FBXL18: variants seen among roughly 807,000 people sequenced by gnomAD.
FBXL18 encodes F-box/LRR-repeat protein 18.
FBXL18 carries 36 observed loss-of-function variants against 46.0 expected under a neutral mutation model. That is an observed-to-expected ratio of 0.78 (90% CI 0.60 to 1.03). The LOEUF (loss-of-function observed/expected upper bound fraction) is 1.03. Among genes scored for constraint, FBXL18 ranks in the 50% least tolerant of loss-of-function variants. FBXL18 has a pLI of 0.00. For missense variants in FBXL18, 977 were observed against 1,004.1 expected, an observed-to-expected ratio of 0.97 and a Z score of 0.36; for synonymous variants, 557 against 465.3, an observed-to-expected ratio of 1.20 and a Z score of -2.54.
Position 5,481,743 on chromosome 7 carries a change from T to C in FBXL18, c.*32A>G, listed in dbSNP as rs1584201472. 5 of 1,610,530 alleles carry C rather than the reference T, an allele frequency of 3.1e-6. No individual in the cohort carries two copies. The highest frequency in any genetic ancestry group is 4.2e-6 in the Non-Finnish European group (5 of 1,178,716). ...CCCAGGCTCCTGCAGCTTCTCGAGG[T>C]GACTGAGACCGATGGGCGGCGGCTC... On this transcript the variant is annotated 3_prime_UTR_variant, in exon 5 of 5. Transcript: ENST00000382368.
At position 5,470,082 on chromosome 7, in the gene FBXL18, G is replaced by A. The variant is rs115642350; in HGVS notation, c.2000+21149C>T. Among the ~76,000 whole-genome samples, 447 of 152,248 alleles carry A rather than the reference G, an allele frequency of 2.9e-3. 1 individual carries two copies. The highest frequency in any genetic ancestry group is 0.017 in the Middle Eastern group (5 of 294). Reference sequence around the variant, plus strand: ...CGTGTGCGTGTGCCAGTCTGCGGGCGTGGGTGAGGGACTGATGGAGCGTGT... The same window carrying A: ...CGTGTGCGTGTGCCAGTCTGCGGGCATGGGTGAGGGACTGATGGAGCGTGT... On this transcript the variant is annotated intron_variant and NMD_transcript_variant, in intron 4 of 6. Transcript: ENST00000415009.
downstream of FBXL18, among the ~76,000 whole-genome samples, chr7:5,471,368 C>A (rs1013188766): frequency 6.6e-6 from 1 of 152,188 alleles, no homozygotes; most frequent in Admixed American, 6.5e-5. Context: ...CCTCCGCCTC[C>A]CGGGTTCACG....
rs114819221 is a variant in FBXL18, at chr7:5,469,846, G to A, written c.2000+21385C>T. 6.4e-3 allele frequency among the ~76,000 whole-genome samples: 968 copies of A among 151,642 alleles called. 11 individuals carry two copies. Among genetic ancestry groups the A allele is most frequent in the African/African-American group, 0.022 (914 of 41,310 alleles). On this transcript the variant is annotated intron_variant and NMD_transcript_variant, in intron 4 of 6. Transcript: ENST00000415009. ...TGTGTGTGTGATATGGGTGTGACACGGGAGAGGGTTTATGAGCCTGAGTGT... is the reference window on the plus strand; with the variant it reads ...TGTGTGTGTGATATGGGTGTGACACAGGAGAGGGTTTATGAGCCTGAGTGT...
rs145119070 is a variant in FBXL18, at chr7:5,505,496, G to A, written c.153C>T (p.Asn51=). ...SHVPSTDLIL[N]VRRTCRKLAA... is the part of the protein sequence containing the mutation. ...CAAGCTTCCGACAGGTACGCCGGAC[G>A]TTCAGAATCAGATCTGTGCTGGGGA... is the stretch of plus-strand genomic sequence containing the variant. Residue 51 remains asparagine, a synonymous_variant, in exon 2 of 5, where the codon AAC becomes AAT. Transcript: ENST00000382368. 47 of 1,614,164 alleles carry A rather than the reference G, an allele frequency of 2.9e-5. No individual in the cohort carries two copies. The highest frequency in any genetic ancestry group is 2.3e-4 in the South Asian group (21 of 91,082).
intron 1 of FBXL18, among the ~76,000 whole-genome samples, chr7:5,512,256 A>G (rs1216113937): frequency 1.3e-5 from 2 of 149,902 alleles, no homozygotes; most frequent in Non-Finnish European, 3.0e-5. Flanking sequence ...AAAAAAAAAA[A>G]GAAAAAGAAA....
chr7:5,484,264 A>G (rs944823770), intron 4 of FBXL18, among the ~76,000 whole-genome samples: 50 of 152,196 alleles, frequency 3.3e-4, no homozygotes, highest in South Asian at 2.1e-3. Flanking sequence ...TCAGGAGATC[A>G]AGACCATCCT....
At position 5,505,539 on chromosome 7, in the gene FBXL18, A is replaced by C; in HGVS notation, c.110T>G (p.Leu37Arg). The change falls in exon 2 of 5, where the codon CTT (leucine) becomes CGT (arginine). Residue 37 changes from leucine to arginine, a missense_variant. Coordinates refer to ENST00000382368, the MANE Select transcript of FBXL18 (RefSeq NM_024963.6). Reference sequence around the variant, plus strand: ...GCTGGGGACGTGACTCAGGATGTGAAGGAGGATCTCATCAGAGAACCCTAG... The same window carrying C: ...GCTGGGGACGTGACTCAGGATGTGACGGAGGATCTCATCAGAGAACCCTAG... Reference protein sequence around the residue: ...HLLGFSDEILLHILSHVPSTD... With the variant: ...HLLGFSDEILRHILSHVPSTD... The C allele has an allele frequency of 6.2e-7, 1 of 1,614,154 alleles. No individual in the cohort carries two copies. The highest frequency in any genetic ancestry group is 1.3e-5 in the African/African-American group (1 of 75,052).
At chr7:5,509,416 A>G (rs1251467243) in intron 1 of FBXL18, among the ~76,000 whole-genome samples, 1 of 152,060 alleles carries the variant, frequency 6.6e-6, no homozygotes, top group Non-Finnish European at 1.5e-5. Context: ...AATTTTGGAC[A>G]GGCGCGGTGG....
In FBXL18 at chr7:5,500,601, C is replaced by G. The variant is rs769116200; in HGVS notation, c.1668G>C (p.Gln556His). The part of the protein sequence containing the change: ...TGSGLVNIGL[Q>H]CQQLRSLSLA... Reference sequence around the variant, plus strand: ...GCGACAGGGACCGCAACTGCTGGCACTGCAGGCCGATATTGACCAGCCCGG... The same window carrying G: ...GCGACAGGGACCGCAACTGCTGGCAGTGCAGGCCGATATTGACCAGCCCGG... Residue 556 changes from glutamine (Q) to histidine (H), a missense_variant, in exon 3 of 5, where the codon CAG (glutamine) becomes CAC (histidine). Transcript: ENST00000382368. The G allele has an allele frequency of 2.5e-6, 4 of 1,613,464 alleles. No individual in the cohort carries two copies. The highest frequency in any genetic ancestry group is 3.4e-6 in the Non-Finnish European group (4 of 1,179,896).
In FBXL18 at chr7:5,505,640, A is replaced by G. The variant is rs758511589; in HGVS notation, c.19-10T>C. On this transcript the variant is annotated splice_polypyrimidine_tract_variant and intron_variant, in intron 1 of 4. Transcript: ENST00000382368. ...CATCATTGGATATGTCCTGAAAATA[A>G]GGGGGACACCATTCCCACAGGATCC... 1.2e-6 allele frequency: 2 copies of G among 1,611,914 alleles called. No individual in the cohort carries two copies. The highest frequency in any genetic ancestry group is 1.7e-6 in the Non-Finnish European group (2 of 1,178,330).
intron 4 of FBXL18, chr7:5,490,001 T>C: frequency 7.7e-7 from 1 of 1,297,194 alleles, no homozygotes; most frequent in South Asian, 1.2e-5. Flanking sequence ...AAAAGTACTC[T>C]ATAAACACAA....
chr7:5,512,180 G>C lies in FBXL18; in HGVS notation c.18+1477C>G, dbSNP rs190455371. The stretch of plus-strand genomic sequence containing the variant: ...GAATGGCATGAACCCGGGAGGCGGA[G>C]CTTGCAATGAGCCGAGATCACGCCA... On this transcript the variant is annotated intron_variant, in intron 1 of 4. Transcript: ENST00000382368. Among the ~76,000 whole-genome samples the C allele has an allele frequency of 1.0e-3, 150 of 150,382 alleles. 1 individual carries two copies. The highest frequency in any genetic ancestry group is 3.5e-3 in the African/African-American group (145 of 41,072).
At chr7:5,484,402 T>C (rs4724698) in intron 4 of FBXL18, among the ~76,000 whole-genome samples, 140,697 of 150,628 alleles carry the variant, frequency 0.93, 65,805 homozygotes, top group African/African-American at 0.98. Context: ...ACCTGGAAGG[T>C]GAGCTTGCAG....
chr7:5,475,506 CT>C (rs746838396), downstream of FBXL18, among the ~76,000 whole-genome samples: 28 of 152,194 alleles, frequency 1.8e-4, no homozygotes, highest in South Asian at 4.1e-4. This position sits in a 1 kb window ranked among gnomAD's most constrained non-coding sequence, Gnocchi z 4.2. Flanking sequence ...TGTACCTGCA[CT>C]GCTCCCTGCC....
chr7:5,490,399 G>A (rs1037859224), intron 4 of FBXL18, among the ~76,000 whole-genome samples: 1 of 152,200 alleles, frequency 6.6e-6, no homozygotes, highest in Non-Finnish European at 1.5e-5. Flanking sequence ...CCTAATTTGT[G>A]TTCAATTCTA....
At chr7:5,462,940 G>C (rs1783268867) in intron 4 of FBXL18, among the ~76,000 whole-genome samples, 1 of 49,394 alleles carries the variant, frequency 2.0e-5, no homozygotes, top group Admixed American at 2.8e-4. Context: ...GACAGAGTGA[G>C]ACTTGGTCTC....
At chr7:5,485,780 G>C (rs898851652) in intron 4 of FBXL18, among the ~76,000 whole-genome samples, 1 of 152,016 alleles carries the variant, frequency 6.6e-6, no homozygotes, top group Non-Finnish European at 1.5e-5. Context: ...GGCCGGGCGC[G>C]GTGGCTCAAG....
chr7:5,500,482 C>T lies in FBXL18; in HGVS notation c.1781+6G>A. 6.3e-7 allele frequency: 1 copy of T among 1,590,874 alleles called. No individual in the cohort carries two copies. Among genetic ancestry groups the T allele is most frequent in the Non-Finnish European group, 8.6e-7 (1 of 1,166,322 alleles). ...GAGGCCCGAGAGGTCCCCGCGGCCC[C>T]CTCACCTGAGGTCCCTCAGCCGCTT... On this transcript the variant is annotated splice_donor_region_variant and intron_variant, in intron 3 of 4. Coordinates refer to ENST00000382368, the MANE Select transcript of FBXL18 (RefSeq NM_024963.6).
chr7:5,500,534 C>T lies in FBXL18; in HGVS notation c.1735G>A (p.Ala579Thr). The change falls in exon 3 of 5, where the codon GCG becomes ACG. Residue 579 changes from alanine (A) to threonine (T), a missense_variant. Coordinates refer to ENST00000382368, the MANE Select transcript of FBXL18 (RefSeq NM_024963.6). ...GMMGKVVYMPALSDMLKHCKR... is the reference protein window; with the variant it reads ...GMMGKVVYMPTLSDMLKHCKR... Reference sequence around the variant, plus strand: ...CAGTGCTTCAACATGTCTGAGAGCGCGGGCATGTACACCACCTTCCCCATC... The same window carrying T: ...CAGTGCTTCAACATGTCTGAGAGCGTGGGCATGTACACCACCTTCCCCATC... 4.3e-6 allele frequency: 7 copies of T among 1,612,976 alleles called. No individual in the cohort carries two copies. The highest frequency in any genetic ancestry group is 1.1e-5 in the South Asian group (1 of 90,996).
Sources: allele counts gnomAD v4.1 joint callset (sites outside exome capture counted in the v4.1 genomes callset), GRCh38; gene constraint gnomAD v4.1.1; non-coding constraint Gnocchi (gnomAD v3.1); transcripts MANE v1.5; gene names NCBI Gene and HGNC (gene_info 2026-07-23, HGNC 2026-07-21).